Variants in CREB5 observed in about 807,000 individuals in gnomAD.
CREB5 encodes cAMP responsive element binding protein 5.
Under a neutral mutation model 57.1 loss-of-function variants are expected in CREB5, and 19 were observed. The observed-to-expected ratio is 0.33, with a 90% CI of 0.23 to 0.49. The LOEUF (loss-of-function observed/expected upper bound fraction) is 0.49. Ranked by LOEUF, CREB5 falls within the 20% of genes least tolerant of loss-of-function variation. The pLI, the probability that CREB5 is intolerant of heterozygous loss-of-function variation, is 0.99. For missense variants in CREB5, 579 were observed against 671.6 expected (o/e 0.86, Z 1.52); for synonymous variants, 238 against 238.3 (o/e 1.00, Z 0.01).
At chr7:28,363,765 C>T (rs1419384728) in intron 1 of CREB5, among the ~76,000 whole-genome samples, 2 of 152,170 alleles carry the variant, frequency 1.3e-5, no homozygotes, top group African/African-American at 4.8e-5. Context: ...CTTCCCATTA[C>T]CTAGCTAGGG....
intron 1 of CREB5, among the ~76,000 whole-genome samples, chr7:28,419,854 G>A (rs1470792534): frequency 1.3e-5 from 2 of 152,142 alleles, no homozygotes; most frequent in East Asian, 3.8e-4. Flanking sequence ...AGCACACATT[G>A]TTTACAATTT....
intron 10 of CREB5, chr7:28,818,864 C>A: frequency 1.7e-6 from 1 of 572,672 alleles, no homozygotes; most frequent in Non-Finnish European, 3.2e-6. Context: ...ATATCCATGA[C>A]TGAAACACAT....
intron 5 of CREB5, among the ~76,000 whole-genome samples, chr7:28,691,986 C>T (rs531835724): frequency 4.4e-5 from 6 of 136,996 alleles, no homozygotes; most frequent in Admixed American, 1.6e-4. Flanking sequence ...CTAGGCAACA[C>T]GGTGAAACCC....
At chr7:28,533,336 G>A (rs1313257473) in intron 4 of CREB5, among the ~76,000 whole-genome samples, 2 of 152,108 alleles carry the variant, frequency 1.3e-5, no homozygotes, top group African/African-American at 4.8e-5. Flanking sequence ...AAACTTTAGG[G>A]AAAAAAAGTA....
At chr7:28,306,856 C>T (rs1165666291) in intron 1 of CREB5, among the ~76,000 whole-genome samples, 2 of 152,032 alleles carry the variant, frequency 1.3e-5, no homozygotes, top group African/African-American at 4.8e-5. Context: ...CCACCGCGCC[C>T]GGCCACAGAT....
chr7:28,608,513 C>T (rs1279150430), intron 5 of CREB5, among the ~76,000 whole-genome samples: 1 of 152,134 alleles, frequency 6.6e-6, no homozygotes, highest in East Asian at 1.9e-4. Context: ...GGATGATGCT[C>T]TGAAACTTCA....
intron 1 of CREB5, among the ~76,000 whole-genome samples, chr7:28,325,541 G>T (rs955135889): frequency 6.6e-6 from 1 of 151,904 alleles, no homozygotes; most frequent in Non-Finnish European, 1.5e-5. Flanking sequence ...TGACCTTCTT[G>T]CACTGGTTAT....
intron 5 of CREB5, among the ~76,000 whole-genome samples, chr7:28,578,942 T>G (rs898036200): frequency 6.6e-6 from 1 of 152,196 alleles, no homozygotes; most frequent in African/African-American, 2.4e-5. Flanking sequence ...ATCTCAAATT[T>G]TGAATGTAAA....
intron 5 of CREB5, among the ~76,000 whole-genome samples, chr7:28,644,530 C>G (rs1798814976): frequency 6.6e-6 from 1 of 151,926 alleles, no homozygotes; most frequent in African/African-American, 2.4e-5. Context: ...CCACTGCAAA[C>G]TGGGAACAAA....
At chr7:28,803,352 T>G (rs1197255708) in intron 7 of CREB5, among the ~76,000 whole-genome samples, 3 of 152,214 alleles carry the variant, frequency 2.0e-5, no homozygotes, top group Non-Finnish European at 4.4e-5. Context: ...AACTCTAATT[T>G]TAAGCCCTAA....
Position 28,819,415 on chromosome 7 carries a change from A to T in CREB5, c.*136A>T. The T allele has an allele frequency of 1.2e-6, 1 of 822,130 alleles. No homozygotes were observed. The highest frequency in any genetic ancestry group is 1.8e-6 in the Non-Finnish European group (1 of 553,800). 50.9% of individuals were successfully genotyped at this position (822,130 alleles called of 1,614,324 possible). ...AAGACTGGCTTTCATTTTTATAGTT[A>T]TTATGGAAATGTTGTCTTTTATACT... On this transcript the variant is annotated 3_prime_UTR_variant, in exon 11 of 11. Transcript: ENST00000357727.
intron 1 of CREB5, among the ~76,000 whole-genome samples, chr7:28,450,449 T>C (rs1789742369): frequency 6.6e-6 from 1 of 152,222 alleles, no homozygotes; most frequent in African/African-American, 2.4e-5. Flanking sequence ...ATGCAAAATA[T>C]TGAAATAGAT....
intron 1 of CREB5, among the ~76,000 whole-genome samples, chr7:28,448,268 A>G (rs1789592171): frequency 6.6e-6 from 1 of 152,242 alleles, no homozygotes; most frequent in Non-Finnish European, 1.5e-5. Context: ...CAGACAGCCT[A>G]TTGTGGGACT....
At chr7:28,554,757 G>A (rs961672247) in intron 4 of CREB5, among the ~76,000 whole-genome samples, 1 of 152,182 alleles carries the variant, frequency 6.6e-6, no homozygotes, top group Non-Finnish European at 1.5e-5. Context: ...CCCGGAGGGC[G>A]TTTCCAGTAT....
chr7:28,329,550 G>A (rs961032531), intron 1 of CREB5, among the ~76,000 whole-genome samples: 10 of 152,266 alleles, frequency 6.6e-5, no homozygotes, highest in African/African-American at 2.4e-4. Context: ...ACTTCTCGCC[G>A]ACTTGTTTAA....
chr7:28,428,123 T>G (rs1329938074), intron 1 of CREB5, among the ~76,000 whole-genome samples: 4 of 152,040 alleles, frequency 2.6e-5, no homozygotes, highest in Non-Finnish European at 5.9e-5. Flanking sequence ...CCTATGGAGA[T>G]GTGGAGAAGG....
At chr7:28,447,171 A>G (rs566290925) in intron 1 of CREB5, among the ~76,000 whole-genome samples, 2 of 152,362 alleles carry the variant, frequency 1.3e-5, no homozygotes, top group South Asian at 4.1e-4. Context: ...AATGTTAGCA[A>G]TTGTTCTGAC....
At chr7:28,453,541 A>G (rs1789936590) in intron 1 of CREB5, among the ~76,000 whole-genome samples, 1 of 152,254 alleles carries the variant, frequency 6.6e-6, no homozygotes, top group African/African-American at 2.4e-5. Flanking sequence ...CCTCTACATG[A>G]ATGGCACTTG....
intron 4 of CREB5, among the ~76,000 whole-genome samples, chr7:28,551,249 A>C (rs1002679975): frequency 1.3e-5 from 2 of 152,122 alleles, no homozygotes; most frequent in Admixed American, 1.3e-4. Context: ...GTATAGAAAA[A>C]CATTTTCTGT....
Sources: allele counts gnomAD v4.1 joint callset (sites outside exome capture counted in the v4.1 genomes callset), GRCh38; gene constraint gnomAD v4.1.1; transcripts MANE v1.5; gene names NCBI Gene and HGNC (gene_info 2026-07-23, HGNC 2026-07-21).